The following MAPKAP1 variants were observed in gnomAD, a reference collection of about 807,000 sequenced individuals.
The protein encoded by MAPKAP1 is MAPK associated protein 1.
In MAPKAP1, 20 loss-of-function variants were observed where a neutral mutation model predicts 65.7. That is an observed-to-expected ratio of 0.30 (90% CI 0.21 to 0.44). The LOEUF is 0.44. MAPKAP1 is among the 20% of genes least tolerant of loss of function. The pLI, the probability that MAPKAP1 is intolerant of heterozygous loss-of-function variation, is 1.00. For missense variants in MAPKAP1, 423 were observed against 648.0 expected (o/e 0.65, Z 3.77); for synonymous variants, 222 against 244.3 (o/e 0.91, Z 0.85).
At chr9:125,643,211 G>A (rs1376631636) in intron 4 of MAPKAP1, among the ~76,000 whole-genome samples, 3 of 131,606 alleles carry the variant, frequency 2.3e-5, no homozygotes, top group South Asian at 2.4e-4. Flanking sequence ...TTTTTTTTTG[G>A]GGGGAGGGAG....
At chr9:125,444,718 A>G in intron 10 of MAPKAP1, 120 bp from the exon 11 acceptor site, 1 of 655,060 alleles carries the variant, frequency 1.5e-6, no homozygotes, top group East Asian at 2.8e-5. Flanking sequence ...AGCAGCACCT[A>G]GTCTTCCCAG....
At chr9:125,601,583 T>C (rs1206895412) in intron 4 of MAPKAP1, among the ~76,000 whole-genome samples, 1 of 152,210 alleles carries the variant, frequency 6.6e-6, no homozygotes, top group African/African-American at 2.4e-5. Flanking sequence ...ACATCCAGCT[T>C]ATCCAAAGTT....
intron 5 of MAPKAP1, among the ~76,000 whole-genome samples, chr9:125,577,333 G>A (rs1474741287): frequency 1.2e-4 from 18 of 150,752 alleles, no homozygotes; most frequent in East Asian, 4.0e-4. Context: ...CAGCCACCCC[G>A]TCTGGTAAGT....
chr9:125,526,266 G>C (rs923501113), intron 7 of MAPKAP1, among the ~76,000 whole-genome samples: 7 of 152,210 alleles, frequency 4.6e-5, no homozygotes, highest in Non-Finnish European at 7.3e-5. Context: ...TACTTAACCA[G>C]ATCAGCAAAT....
intron 5 of MAPKAP1, among the ~76,000 whole-genome samples, chr9:125,585,158 T>C (rs1195010541): frequency 6.6e-6 from 1 of 152,018 alleles, no homozygotes; most frequent in Non-Finnish European, 1.5e-5. Flanking sequence ...AGAATGAGGA[T>C]CATTACCCTC....
chr9:125,452,190 C>G (rs1852981776), intron 10 of MAPKAP1, among the ~76,000 whole-genome samples: 1 of 151,964 alleles, frequency 6.6e-6, no homozygotes, highest in Non-Finnish European at 1.5e-5. Context: ...TCTCTGTCTC[C>G]TGAGTTTGAG....
rs192092031 is a variant in MAPKAP1 at position 125,587,543 on chromosome 9, G to T, written c.499-1816C>A. Among the ~76,000 whole-genome samples, 31 of 152,214 alleles carry T rather than the reference G, an allele frequency of 2.0e-4. No individual in the cohort carries two copies. In the East Asian group the frequency reaches 5.8e-3, roughly 28 times the overall value. On this transcript the variant is annotated intron_variant, in intron 4 of 11. Transcript: ENST00000265960. ...ATCATGCCACTGCACTCCAGCCTGG[G>T]CAACAGAGGGAGACTCTGCTCAAAA...
intron 5 of MAPKAP1, among the ~76,000 whole-genome samples, chr9:125,582,910 T>C (rs1206346278): frequency 1.3e-5 from 2 of 152,210 alleles, no homozygotes; most frequent in South Asian, 4.1e-4. Context: ...AATGATTGGC[T>C]GAGGGCTCTG....
intron 7 of MAPKAP1, among the ~76,000 whole-genome samples, chr9:125,507,548 TCTC>T (rs1829177995): frequency 6.6e-6 from 1 of 152,166 alleles, no homozygotes; most frequent in African/African-American, 2.4e-5. Context: ...TTCCAGTCAT[TCTC>T]CTTCCCATGT....
At chr9:125,443,549 C>A (rs1289882698) in intron 11 of MAPKAP1, among the ~76,000 whole-genome samples, 2 of 152,158 alleles carry the variant, frequency 1.3e-5, no homozygotes, top group Non-Finnish European at 2.9e-5. Flanking sequence ...CAGCATCTGG[C>A]GCTTCTTGGA....
chr9:125,622,101 GGA>G (rs1387510656), intron 4 of MAPKAP1, among the ~76,000 whole-genome samples: 1 of 152,164 alleles, frequency 6.6e-6, no homozygotes, highest in Non-Finnish European at 1.5e-5. Flanking sequence ...TCATGGAAGT[GGA>G]GAGTAGAATT....
intron 4 of MAPKAP1, among the ~76,000 whole-genome samples, chr9:125,599,254 C>T (rs553972791): frequency 1.3e-5 from 2 of 152,208 alleles, no homozygotes; most frequent in South Asian, 4.1e-4. Flanking sequence ...TGTCTTACAA[C>T]CTCTCTTGAA....
Position 125,656,319 on chromosome 9 carries a change from T to A in MAPKAP1, c.498+1332A>T, listed in dbSNP as rs368304032. ...GGGAACTTCCTTCTCCATGCTACAT[T>A]CCACAAAACAGGAGAAAGCAGCAAG... is the stretch of plus-strand genomic sequence containing the variant. On this transcript the variant is annotated intron_variant, in intron 4 of 11. Transcript: ENST00000265960. 3.3e-5 allele frequency among the ~76,000 whole-genome samples: 5 copies of A among 152,162 alleles called. No individual in the cohort carries two copies. The East Asian group carries it at 5.8e-4, about 18-fold the overall frequency.
intron 4 of MAPKAP1, among the ~76,000 whole-genome samples, chr9:125,641,292 CAAG>C (rs1245568268): frequency 6.6e-6 from 1 of 152,098 alleles, no homozygotes; most frequent in Non-Finnish European, 1.5e-5. Flanking sequence ...AAATATCAAA[CAAG>C]TAGTCAATGG....
intron 5 of MAPKAP1, among the ~76,000 whole-genome samples, chr9:125,584,836 T>C (rs932182318): frequency 1.3e-5 from 2 of 152,078 alleles, no homozygotes; most frequent in Non-Finnish European, 1.5e-5. Context: ...GAAACTCAAG[T>C]AGGGGAGAGG....
At chr9:125,705,383 AG>A (rs1835726555) in intron 1 of MAPKAP1, among the ~76,000 whole-genome samples, 1 of 152,104 alleles carries the variant, frequency 6.6e-6, no homozygotes, top group Admixed American at 6.6e-5. Context: ...AAATACTCAA[AG>A]TTTAGTTTAC....
At chr9:125,591,840 A>G (rs1431663411) in intron 4 of MAPKAP1, among the ~76,000 whole-genome samples, 1 of 152,244 alleles carries the variant, frequency 6.6e-6, no homozygotes, top group East Asian at 1.9e-4. Flanking sequence ...AAAAGTATTC[A>G]TTACACATCA....
At chr9:125,627,425 T>G (rs185015792) in intron 4 of MAPKAP1, among the ~76,000 whole-genome samples, 1 of 152,284 alleles carries the variant, frequency 6.6e-6, no homozygotes, top group African/African-American at 2.4e-5. Flanking sequence ...TAAACACACA[T>G]ATAGTGAACC....
At chr9:125,573,171 G>A (rs1234952392) in intron 5 of MAPKAP1, 1 of 151,708 alleles carries the variant, frequency 6.6e-6, no homozygotes, top group Non-Finnish European at 1.5e-5. Context: ...GGTAAAATGA[G>A]GCTGAAACCT....
Sources: gnomAD v4.1 joint callset for allele counts (sites outside exome capture counted in the v4.1 genomes callset) on GRCh38, gnomAD v4.1.1 for gene constraint, MANE v1.5 for transcripts, NCBI Gene and HGNC (gene_info 2026-07-23, HGNC 2026-07-21) for gene names.